The following TTC3 variants were observed in gnomAD, a reference collection of about 807,000 sequenced individuals.
TTC3 encodes the protein tetratricopeptide repeat domain 3.
In TTC3, 180 loss-of-function variants were observed where a neutral mutation model predicts 249.6. The ratio of observed to expected loss-of-function variants is 0.72; its 90% CI spans 0.64 to 0.82. TTC3 has a LOEUF of 0.82. Ranked by LOEUF, TTC3 falls within the 40% of genes least tolerant of loss-of-function variation. TTC3 has a pLI of 0.00. For synonymous variants in TTC3, 717 were observed against 805.0 expected (o/e 0.89, Z 1.85); for missense variants, 2,061 against 2,398.4 (o/e 0.86, Z 2.94).
At chr21:37,157,199 C>T (rs2148037698) in intron 28 of TTC3, 1 of 1,344,086 alleles carries the variant, frequency 7.4e-7, no homozygotes, top group Non-Finnish European at 9.8e-7. Context: ...GCATGTTACA[C>T]TGACAGAATC....
At chr21:37,088,286 T>G in exon 4 of TTC3, 1 of 1,613,676 alleles carries the variant, frequency 6.2e-7, no homozygotes, top group Non-Finnish European at 8.5e-7. Flanking sequence ...TTCTGGCCAC[T>G]TCTGTTTCAA....
rs112802894 is a variant in TTC3 at position 37,164,046 on chromosome 21, A to G, written c.3171-5A>G. The G allele has an allele frequency of 0.011, 18,023 of 1,599,098 alleles. 158 individuals carry two copies. Among genetic ancestry groups the G allele is most frequent in the East Asian group, 0.022 (989 of 44,712 alleles). ...AATTGGGTGTTTTTTGTTGTTATTTACCAGCAATCGAAATTCAGATTCTGC... is the reference window on the plus strand; with the variant it reads ...AATTGGGTGTTTTTTGTTGTTATTTGCCAGCAATCGAAATTCAGATTCTGC... On this transcript the variant is annotated splice_polypyrimidine_tract_variant and splice_region_variant and intron_variant, in intron 31 of 45. Transcript: ENST00000355666.
chr21:37,156,961 C>A (rs761714303), intron 28 of TTC3, 55 bp downstream of exon 28: 2 of 1,562,980 alleles, frequency 1.3e-6, no homozygotes, highest in East Asian at 4.5e-5. Flanking sequence ...GGGAAAAAAT[C>A]TGTGAAGGAC....
Position 37,159,695 on chromosome 21 carries a change from A to T in TTC3, c.2993-4A>T, listed in dbSNP as rs143450481. 2 of 1,613,340 alleles carry T rather than the reference A, an allele frequency of 1.2e-6. No homozygotes were observed. The highest frequency in any genetic ancestry group is 1.7e-6 in the Non-Finnish European group (2 of 1,179,712). On this transcript the variant is annotated splice_polypyrimidine_tract_variant and splice_region_variant and intron_variant, in intron 28 of 45. Transcript: ENST00000355666. ...CTCACAAAACCATCTGTATATTCCTACAGACAGCCGCTGTACTGTGTTAAG... is the reference window on the plus strand; with the variant it reads ...CTCACAAAACCATCTGTATATTCCTTCAGACAGCCGCTGTACTGTGTTAAG...
intron 10 of TTC3, among the ~76,000 whole-genome samples, chr21:37,103,866 G>T (rs989804988): frequency 2.1e-5 from 3 of 139,766 alleles, no homozygotes; most frequent in African/African-American, 8.6e-5. Flanking sequence ...GGAGGGCCTT[G>T]TAGGCTGTGT....
At chr21:37,121,369 A>G (rs12329774) in intron 11 of TTC3, 3,544 of 155,510 alleles carry the variant, frequency 0.023, 54 homozygotes, top group Middle Eastern at 0.033. Context: ...GCACAGGCCC[A>G]TGGTTCCATC....
At chr21:37,141,419 C>A (rs1269507999) in intron 20 of TTC3, among the ~76,000 whole-genome samples, 3 of 151,810 alleles carry the variant, frequency 2.0e-5, no homozygotes, top group Non-Finnish European at 4.4e-5. Context: ...GAATCCCCCC[C>A]CCAGCCATCT....
chr21:37,148,576 T>C lies in TTC3; in HGVS notation c.2047T>C (p.Cys683Arg). The change falls in exon 23 of 46, where the codon TGT (cysteine) becomes CGT (arginine). Residue 683 changes from cysteine to arginine, a missense_variant. Physicochemically the swap from Cys to Arg is radical, Grantham distance 180. This residue lies in a region of TTC3 where 989 missense variants were observed against 1,145.1 expected (regional missense o/e 0.86). Transcript: ENST00000355666. The stretch of plus-strand genomic sequence containing the variant: ...TATACGCATCAGCTGTTGCCAGTAC[T>C]GTAAAATAGAATTTCACATGAATTG... The C allele has an allele frequency of 1.9e-6, 3 of 1,599,764 alleles. No homozygotes were observed. In the South Asian group the frequency reaches 3.4e-5, roughly 18 times the overall value.
chr21:37,154,205 C>T (rs1023893788), intron 27 of TTC3, among the ~76,000 whole-genome samples: 11 of 152,324 alleles, frequency 7.2e-5, no homozygotes, highest in South Asian at 2.1e-4. Context: ...GGCTAAAGTA[C>T]GCCACGGGAA....
chr21:37,136,868 AG>A (rs934693675), intron 18 of TTC3, among the ~76,000 whole-genome samples: 2 of 152,186 alleles, frequency 1.3e-5, no homozygotes, highest in Non-Finnish European at 2.9e-5. Flanking sequence ...ATTACTCATT[AG>A]GGGCTGATGC....
At chr21:37,146,126 G>A (rs1046465152) in intron 21 of TTC3, among the ~76,000 whole-genome samples, 4 of 152,200 alleles carry the variant, frequency 2.6e-5, no homozygotes, top group Non-Finnish European at 5.9e-5. Context: ...CCAAGTATTC[G>A]TGAGCTGATA....
exon 46 of TTC3, chr21:37,201,798 T>G: frequency 1.7e-6 from 1 of 604,152 alleles, no homozygotes; most frequent in Non-Finnish European, 2.8e-6. Context: ...GCTACCACAC[T>G]CATGGGTCAC....
chr21:37,199,524 C>T (rs2085283007), intron 44 of TTC3, among the ~76,000 whole-genome samples: 1 of 152,252 alleles, frequency 6.6e-6, no homozygotes. Context: ...CCATTCATCT[C>T]TGCGTCCAGC....
Position 37,110,283 on chromosome 21 carries a change from C to A in TTC3, c.900+1837C>A, listed in dbSNP as rs1424584559. The stretch of plus-strand genomic sequence containing the variant: ...CCGAGCTAAAGGAGGAAGTTCGAAC[C>A]AATGGCAAAGAAGTTAGAAACTTTG... On this transcript the variant is annotated intron_variant, in intron 11 of 45. Coordinates refer to ENST00000355666, the Ensembl canonical transcript of TTC3. Among the ~76,000 whole-genome samples, 10 of 152,152 alleles carry A rather than the reference C, an allele frequency of 6.6e-5. No homozygotes were observed. In the East Asian group the frequency reaches 1.9e-3, roughly 29 times the overall value.
intron 20 of TTC3, among the ~76,000 whole-genome samples, chr21:37,142,823 T>A (rs1194751118): frequency 2.0e-5 from 3 of 152,212 alleles, no homozygotes; most frequent in Admixed American, 2.0e-4. Flanking sequence ...GCTGGAGGCA[T>A]CACGCTACCT....
At chr21:37,086,691 A>T (rs1186019077) in intron 1 of TTC3, 1 of 155,852 alleles carries the variant, frequency 6.4e-6, no homozygotes, top group Non-Finnish European at 1.4e-5. Context: ...CTCTAGCCCT[A>T]CTCCTTTGCC....
intron 1 of TTC3, among the ~76,000 whole-genome samples, chr21:37,080,236 A>G (rs751037458): frequency 5.3e-5 from 8 of 152,018 alleles, no homozygotes; most frequent in Non-Finnish European, 1.0e-4. Flanking sequence ...TATTTTTACA[A>G]TTTCTATTTT....
At chr21:37,175,752 C>T (rs2835648) in intron 35 of TTC3, among the ~76,000 whole-genome samples, 49,594 of 151,404 alleles carry the variant, frequency 0.33, 8,449 homozygotes, top group South Asian at 0.52. Context: ...TCTCTGCCGG[C>T]GGAAAAGTGG....
Position 37,108,542 on chromosome 21 carries a change from T to C in TTC3, c.900+96T>C, listed in dbSNP as rs145590445. The C allele has an allele frequency of 4.2e-4, 502 of 1,185,270 alleles. 2 individuals are homozygous for C. In the African/African-American group the frequency reaches 5.6e-3, roughly 13 times the overall value. 73.4% of individuals were successfully genotyped at this position (1,185,270 alleles called of 1,614,324 possible). A position where few individuals can be genotyped will look rare whatever the true frequency, so the allele number is the denominator to read the frequency against. On this transcript the variant is annotated intron_variant, in intron 11 of 45. Coordinates refer to ENST00000355666, the Ensembl canonical transcript of TTC3. Reference sequence around the variant, plus strand: ...TGTGTTTGTTCATAAAAATGCTATATGAAATTACGTAGAGCTCCAGAATGT... The same window carrying C: ...TGTGTTTGTTCATAAAAATGCTATACGAAATTACGTAGAGCTCCAGAATGT...
Sources: gnomAD v4.1 joint callset for allele counts (sites outside exome capture counted in the v4.1 genomes callset) on GRCh38, gnomAD v4.1.1 for gene constraint, gnomAD v4.1.1 regional missense constraint, MANE v1.5 for transcripts, NCBI Gene and HGNC (gene_info 2026-07-23, HGNC 2026-07-21) for gene names.